The following XKR4 variants were observed in gnomAD, a reference collection of about 807,000 sequenced individuals.
XKR4 encodes the protein XK-related protein 4.
XKR4 carries 12 observed loss-of-function variants against 53.9 expected under a neutral mutation model. That is an observed-to-expected ratio of 0.22 (90% CI 0.14 to 0.36). The LOEUF (loss-of-function observed/expected upper bound fraction) is 0.36. Among genes scored for constraint, XKR4 ranks in the 10% least tolerant of loss-of-function variants. The probability of loss-of-function intolerance (pLI) is 1.00; values close to 1 mark genes in which losing one functional copy is unlikely to be tolerated. For missense variants in XKR4, 799 were observed against 859.5 expected, an observed-to-expected ratio of 0.93 and a Z score of 0.88; for synonymous variants, 354 against 362.4, an observed-to-expected ratio of 0.98 and a Z score of 0.26.
In XKR4 at chr8:55,538,803, A is replaced by G. The variant is rs1418408116; in HGVS notation, c.*14576A>G. 2 of 152,200 alleles carry G rather than the reference A, an allele frequency of 1.3e-5. No individual in the cohort carries two copies. Among genetic ancestry groups the G allele is most frequent in the Non-Finnish European group, 2.9e-5 (2 of 68,042 alleles). 9.4% of individuals were successfully genotyped at this position (152,200 alleles called of 1,614,324 possible). On this transcript the variant is annotated 3_prime_UTR_variant, in exon 3 of 3. Coordinates refer to ENST00000327381, the MANE Select transcript of XKR4 (RefSeq NM_052898.2). ...AAGATTTTTAACAGATATTAGTGAG[A>G]TTAGAGTTGGTGTCATTTCCATTGA...
chr8:55,466,503 A>G (rs1805772481), intron 2 of XKR4, among the ~76,000 whole-genome samples: 1 of 151,966 alleles, frequency 6.6e-6, no homozygotes, highest in South Asian at 2.1e-4. Context: ...GGGGAGGGGG[A>G]AGGGATAGCA....
At chr8:55,210,669 G>A (rs1817719394) in intron 1 of XKR4, among the ~76,000 whole-genome samples, 1 of 152,192 alleles carries the variant, frequency 6.6e-6, no homozygotes. Context: ...TGGCCACAGA[G>A]ATCAAGGACG....
chr8:55,261,889 A>ATTT (rs1470379887), intron 1 of XKR4, among the ~76,000 whole-genome samples: 212 of 149,848 alleles, frequency 1.4e-3, no homozygotes, highest in Middle Eastern at 3.4e-3. Context: ...TTTTTTTTTA[A>ATTT]AAAAAAGTAT....
chr8:55,330,957 C>T (rs1209566732), intron 1 of XKR4, among the ~76,000 whole-genome samples: 7 of 152,184 alleles, frequency 4.6e-5, no homozygotes, highest in South Asian at 4.2e-4. Flanking sequence ...GGTATATATA[C>T]ATAATATAAA....
intron 1 of XKR4, among the ~76,000 whole-genome samples, chr8:55,198,360 T>C (rs1438562994): frequency 6.6e-6 from 1 of 152,082 alleles, no homozygotes; most frequent in African/African-American, 2.4e-5. Flanking sequence ...TTATGGAATA[T>C]GGTATGGATG....
intron 2 of XKR4, among the ~76,000 whole-genome samples, chr8:55,507,940 G>T (rs1017582092): frequency 1.3e-5 from 2 of 152,104 alleles, no homozygotes; most frequent in Admixed American, 1.3e-4. Flanking sequence ...TTCCACAATG[G>T]TTGAACTAGT....
chr8:55,431,783 C>A (rs964841686), intron 2 of XKR4, among the ~76,000 whole-genome samples: 2 of 152,202 alleles, frequency 1.3e-5, no homozygotes, highest in African/African-American at 4.8e-5. Context: ...CAACTGTCTT[C>A]TTGAAGAAGC....
rs186145670 is a variant in XKR4 at position 55,232,462 on chromosome 8, C to G, written c.807-125216C>G. On this transcript the variant is annotated intron_variant, in intron 1 of 2. Transcript: ENST00000327381. ...ATCATACTCTATAATCATTTTGAAA[C>G]TTTTTCCCCAAGATATCAAAGAGAC... 1.1e-3 allele frequency among the ~76,000 whole-genome samples: 160 copies of G among 152,280 alleles called. 1 individual carries two copies. The highest frequency in any genetic ancestry group is 1.9e-3 in the Non-Finnish European group (132 of 68,022).
chr8:55,491,069 G>A (rs1422642317), intron 2 of XKR4, among the ~76,000 whole-genome samples: 1 of 151,808 alleles, frequency 6.6e-6, no homozygotes, highest in African/African-American at 2.4e-5. Context: ...CTATTCCTAT[G>A]TATTCAAGCT....
chr8:55,505,321 C>T (rs1013263221), intron 2 of XKR4, among the ~76,000 whole-genome samples: 1 of 151,716 alleles, frequency 6.6e-6, no homozygotes, highest in South Asian at 2.1e-4. Context: ...CTTCTTTGAC[C>T]CACTGGTTAA....
chr8:55,194,833 C>A (rs1817483891), intron 1 of XKR4, among the ~76,000 whole-genome samples: 3 of 152,202 alleles, frequency 2.0e-5, no homozygotes, highest in Non-Finnish European at 4.4e-5. Context: ...GGGAGGCAAT[C>A]TGTGGCTAAC....
At chr8:55,451,790 G>T in intron 2 of XKR4, 3 of 1,018,890 alleles carry the variant, frequency 2.9e-6, no homozygotes, top group East Asian at 2.5e-5. Flanking sequence ...CCAAGGCACT[G>T]ATAGTCGCGG....
chr8:55,240,863 C>G (rs1818200947), intron 1 of XKR4, among the ~76,000 whole-genome samples: 1 of 152,144 alleles, frequency 6.6e-6, no homozygotes, highest in African/African-American at 2.4e-5. Context: ...AGGAAAGCAA[C>G]TCCAATATGA....
chr8:55,502,034 G>A (rs1425946813), intron 2 of XKR4, among the ~76,000 whole-genome samples: 1 of 152,180 alleles, frequency 6.6e-6, no homozygotes, highest in Non-Finnish European at 1.5e-5. Context: ...TAAGGAGTTG[G>A]TATAACATAT....
At chr8:55,502,303 T>C (rs1806456761) in intron 2 of XKR4, among the ~76,000 whole-genome samples, 1 of 152,226 alleles carries the variant, frequency 6.6e-6, no homozygotes, top group Admixed American at 6.5e-5. Context: ...ATACTGTTTT[T>C]CATACGGGAT....
intron 1 of XKR4, among the ~76,000 whole-genome samples, chr8:55,143,860 C>A (rs1046901915): frequency 6.6e-6 from 1 of 152,234 alleles, no homozygotes; most frequent in African/African-American, 2.4e-5. Context: ...AGCCTTGTGG[C>A]GTAGGAGCCT....
At chr8:55,396,083 C>T (rs151127991) in intron 2 of XKR4, among the ~76,000 whole-genome samples, 136 of 152,350 alleles carry the variant, frequency 8.9e-4, no homozygotes, top group South Asian at 1.7e-3. Context: ...TCCTGACCAC[C>T]TCCTAATACC....
At chr8:55,336,841 G>T (rs895086662) in intron 1 of XKR4, among the ~76,000 whole-genome samples, 11 of 152,074 alleles carry the variant, frequency 7.2e-5, no homozygotes, top group African/African-American at 2.7e-4. Context: ...TCAAGAACTG[G>T]TTTCTCCCAG....
At chr8:55,285,841 C>T (rs1818900944) in intron 1 of XKR4, among the ~76,000 whole-genome samples, 1 of 152,172 alleles carries the variant, frequency 6.6e-6, no homozygotes, top group Non-Finnish European at 1.5e-5. Flanking sequence ...CCCCTATACC[C>T]CTCCCCCAAA....
Sources: gnomAD v4.1 joint callset for allele counts (sites outside exome capture counted in the v4.1 genomes callset) on GRCh38, gnomAD v4.1.1 for gene constraint, MANE v1.5 for transcripts, NCBI Gene and HGNC (gene_info 2026-07-23, HGNC 2026-07-21) for gene names.